Variants in ARHGAP15 observed in about 807,000 individuals in gnomAD.
ARHGAP15 encodes the protein rho GTPase-activating protein 15.
Under a neutral mutation model 63.7 loss-of-function variants are expected in ARHGAP15, and 51 were observed. The ratio of observed to expected loss-of-function variants is 0.80; its 90% CI spans 0.64 to 1.01. The LOEUF is 1.01. ARHGAP15 is among the 50% of genes least tolerant of loss of function. ARHGAP15 has a pLI of 0.00. For synonymous variants in ARHGAP15, 191 were observed against 193.8 expected (o/e 0.99, Z 0.12); for missense variants, 560 against 564.6 (o/e 0.99, Z 0.08).
At chr2:143,225,724 C>T (rs1693185744) in intron 4 of ARHGAP15, among the ~76,000 whole-genome samples, 1 of 152,050 alleles carries the variant, frequency 6.6e-6, no homozygotes, top group African/African-American at 2.4e-5. Context: ...AGTGTAAGGC[C>T]TTAAGTTACC....
intron 9 of ARHGAP15, among the ~76,000 whole-genome samples, chr2:143,510,437 G>A (rs1693534178): frequency 6.6e-6 from 1 of 152,196 alleles, no homozygotes; most frequent in Non-Finnish European, 1.5e-5. Context: ...CAATGCTGAT[G>A]CTGGTGGTGG....
chr2:143,673,509 G>A (rs879619391), intron 12 of ARHGAP15, among the ~76,000 whole-genome samples: 4 of 151,534 alleles, frequency 2.6e-5, no homozygotes, highest in Admixed American at 1.3e-4. Context: ...TGTTGGCCAG[G>A]CTGGTCTCGA....
At chr2:143,250,894 T>A (rs1225746737) in intron 6 of ARHGAP15, among the ~76,000 whole-genome samples, 1 of 152,170 alleles carries the variant, frequency 6.6e-6, no homozygotes, top group East Asian at 1.9e-4. Flanking sequence ...AAACATGGGA[T>A]GTTTGACTTA....
chr2:143,377,349 AC>A (rs1686859862), intron 6 of ARHGAP15, among the ~76,000 whole-genome samples: 1 of 151,978 alleles, frequency 6.6e-6, no homozygotes, highest in Non-Finnish European at 1.5e-5. Context: ...AATTGCTAGC[AC>A]ATTTTCAGTA....
chr2:143,621,571 C>A (rs1056229417), intron 11 of ARHGAP15, among the ~76,000 whole-genome samples: 19 of 152,108 alleles, frequency 1.2e-4, no homozygotes, highest in African/African-American at 4.6e-4. Flanking sequence ...ATACTCTTTC[C>A]AACTATTTGC....
chr2:143,479,472 A>G (rs1240704083), intron 8 of ARHGAP15, among the ~76,000 whole-genome samples: 2 of 151,934 alleles, frequency 1.3e-5, no homozygotes, highest in Admixed American at 1.3e-4. Context: ...ATCTTTCCTC[A>G]TGGAAAACAT....
intron 13 of ARHGAP15, among the ~76,000 whole-genome samples, chr2:143,711,255 C>T (rs987495816): frequency 2.0e-5 from 3 of 152,196 alleles, no homozygotes; most frequent in Admixed American, 6.5e-5. Flanking sequence ...CCTACCCTCA[C>T]GTATCTTATC....
At chr2:143,483,451 G>A (rs1692167751) in intron 8 of ARHGAP15, among the ~76,000 whole-genome samples, 1 of 152,196 alleles carries the variant, frequency 6.6e-6, no homozygotes, top group Admixed American at 6.5e-5. Context: ...AGGTTTTTGA[G>A]GTGAGACCAG....
rs1687338141 is a variant in ARHGAP15 at position 143,387,525 on chromosome 2, T to C, written c.475-48076T>C. 3.3e-5 allele frequency among the ~76,000 whole-genome samples: 5 copies of C among 152,132 alleles called. No individual in the cohort carries two copies. The South Asian group carries it at 1.0e-3, about 31-fold the overall frequency. Reference sequence around the variant, plus strand: ...GTTGTATACTCTTTTCAATTATTAGTCAACAGATTCACAAAATGAATTGGC... The same window carrying C: ...GTTGTATACTCTTTTCAATTATTAGCCAACAGATTCACAAAATGAATTGGC... On this transcript the variant is annotated intron_variant, in intron 6 of 13. Transcript: ENST00000295095.
intron 9 of ARHGAP15, among the ~76,000 whole-genome samples, chr2:143,509,540 G>T (rs1185573773): frequency 6.6e-6 from 1 of 152,096 alleles, no homozygotes; most frequent in African/African-American, 2.4e-5. Context: ...TTAGCATTAG[G>T]CGTATTTTTT....
intron 12 of ARHGAP15, among the ~76,000 whole-genome samples, chr2:143,701,384 T>C (rs1684083340): frequency 6.6e-6 from 1 of 152,220 alleles, no homozygotes; most frequent in South Asian, 2.1e-4. Flanking sequence ...TTGGCCTTAG[T>C]ATCAGAGATC....
intron 12 of ARHGAP15, among the ~76,000 whole-genome samples, chr2:143,636,072 C>T (rs537179862): frequency 6.6e-6 from 1 of 152,166 alleles, no homozygotes; most frequent in East Asian, 1.9e-4. Flanking sequence ...GGCCCCTTTC[C>T]TTTTTCTTCT....
At chr2:143,318,227 C>T (rs918089291) in intron 6 of ARHGAP15, among the ~76,000 whole-genome samples, 1 of 151,730 alleles carries the variant, frequency 6.6e-6, no homozygotes, top group Non-Finnish European at 1.5e-5. Flanking sequence ...AGGATGGTCT[C>T]GATCTCCTGA....
intron 10 of ARHGAP15, among the ~76,000 whole-genome samples, chr2:143,526,936 T>G (rs1427349459): frequency 1.3e-5 from 2 of 152,156 alleles, no homozygotes; most frequent in East Asian, 3.9e-4. Flanking sequence ...AATAATTTGT[T>G]GTTTACTGGT....
intron 12 of ARHGAP15, among the ~76,000 whole-genome samples, chr2:143,675,557 G>A (rs919561624): frequency 6.6e-6 from 1 of 152,172 alleles, no homozygotes; most frequent in Admixed American, 6.5e-5. Context: ...ATGGGCTGCA[G>A]AATGTATATT....
intron 11 of ARHGAP15, among the ~76,000 whole-genome samples, chr2:143,562,474 C>T (rs1696071267): frequency 6.6e-6 from 1 of 152,234 alleles, no homozygotes; most frequent in South Asian, 2.1e-4. Flanking sequence ...GCCTGCTCTA[C>T]TCTCACCGCC....
At chr2:143,275,500 C>T (rs7602120) in intron 6 of ARHGAP15, among the ~76,000 whole-genome samples, 75,792 of 152,008 alleles carry the variant, frequency 0.5, 19,149 homozygotes, top group South Asian at 0.66. Flanking sequence ...GACACATTAA[C>T]AAATTAACTA....
At chr2:143,453,268 T>G (rs1690490327) in intron 8 of ARHGAP15, among the ~76,000 whole-genome samples, 1 of 152,026 alleles carries the variant, frequency 6.6e-6, no homozygotes, top group Admixed American at 6.6e-5. Context: ...CAAACCACTG[T>G]GTAGCATCCG....
At chr2:143,735,124 T>G (rs550758788) in intron 13 of ARHGAP15, among the ~76,000 whole-genome samples, 1 of 152,268 alleles carries the variant, frequency 6.6e-6, no homozygotes, top group African/African-American at 2.4e-5. Context: ...TACTTTGCTT[T>G]GTTTTAAACG....
Sources: allele counts gnomAD v4.1 joint callset (sites outside exome capture counted in the v4.1 genomes callset), GRCh38; gene constraint gnomAD v4.1.1; transcripts MANE v1.5; gene names NCBI Gene and HGNC (gene_info 2026-07-23, HGNC 2026-07-21).